Variants in RYR3 observed in about 807,000 individuals in gnomAD.
The protein encoded by RYR3 is ryanodine receptor 3.
A neutral mutation model predicts 584.3 loss-of-function variants in RYR3; 207 were observed. The ratio of observed to expected loss-of-function variants is 0.35; its 90% CI spans 0.32 to 0.40. The LOEUF (loss-of-function observed/expected upper bound fraction) is 0.40, where lower values mean the gene tolerates loss of function less well. Ranked by LOEUF, RYR3 falls within the 10% of genes least tolerant of loss-of-function variation. The probability of loss-of-function intolerance (pLI) is 1.00; values close to 1 mark genes in which losing one functional copy is unlikely to be tolerated. For missense variants in RYR3, 5,616 were observed against 6,089.2 expected, an observed-to-expected ratio of 0.92 and a Z score of 2.59; for synonymous variants, 2,416 against 2,248.5, an observed-to-expected ratio of 1.07 and a Z score of -2.11.
intron 1 of RYR3, among the ~76,000 whole-genome samples, chr15:33,471,279 C>T (rs1596285452): frequency 6.6e-6 from 1 of 152,144 alleles, no homozygotes; most frequent in African/African-American, 2.4e-5. Context: ...CAATTTGGCC[C>T]AGAGTCCCAT....
At chr15:33,758,305 C>T (rs2072060602) in intron 60 of RYR3, among the ~76,000 whole-genome samples, 1 of 152,148 alleles carries the variant, frequency 6.6e-6, no homozygotes, top group Non-Finnish European at 1.5e-5. Context: ...TGTTCACACC[C>T]CTGGAAAGGA....
chr15:33,677,735 T>A (rs1311591741), intron 38 of RYR3, among the ~76,000 whole-genome samples: 1 of 152,134 alleles, frequency 6.6e-6, no homozygotes, highest in Non-Finnish European at 1.5e-5. Context: ...GTCTCCATCC[T>A]TAGAGATGTG....
chr15:33,595,169 T>C (rs1318208006), intron 16 of RYR3, among the ~76,000 whole-genome samples: 1 of 152,180 alleles, frequency 6.6e-6, no homozygotes, highest in African/African-American at 2.4e-5. Context: ...TTACAGGTCA[T>C]TGTAAAGTCA....
chr15:33,730,743 G>A (rs958434040), intron 47 of RYR3, among the ~76,000 whole-genome samples: 2 of 152,198 alleles, frequency 1.3e-5, no homozygotes, highest in Admixed American at 1.3e-4. Context: ...GTCACTAAAT[G>A]GGTTTTCCTT....
intron 66 of RYR3, among the ~76,000 whole-genome samples, chr15:33,786,290 C>G (rs1242201938): frequency 6.6e-6 from 1 of 152,144 alleles, no homozygotes; most frequent in Admixed American, 6.5e-5. Context: ...ACTCAAGAAT[C>G]CCATTAGCTC....
chr15:33,822,745 A>C (rs2077176099), intron 80 of RYR3, among the ~76,000 whole-genome samples: 1 of 152,246 alleles, frequency 6.6e-6, no homozygotes, highest in Admixed American at 6.5e-5. Flanking sequence ...ATACATTACT[A>C]TATCACGGCC....
At chr15:33,864,070 C>T in intron 102 of RYR3, 68 bp from the exon 103 acceptor site, 1 of 1,181,890 alleles carries the variant, frequency 8.5e-7, no homozygotes, top group Non-Finnish European at 1.2e-6. Flanking sequence ...GCCCTGATCA[C>T]AGTTAATCCA....
chr15:33,810,453 C>G, intron 70 of RYR3, 26 bp from the exon 71 acceptor site: 1 of 1,612,660 alleles, frequency 6.2e-7, no homozygotes, highest in Non-Finnish European at 8.5e-7. Flanking sequence ...GAACCCCTCT[C>G]TGTTTATTTC....
At chr15:33,516,341 CT>C (rs200998411) in intron 3 of RYR3, among the ~76,000 whole-genome samples, 221 of 144,086 alleles carry the variant, frequency 1.5e-3, no homozygotes, top group South Asian at 4.3e-3. Context: ...GTAAGATCTA[CT>C]TTTTTTTTTT....
Position 33,730,384 on chromosome 15 carries a change from CTT to C in RYR3, c.7204-1087_7204-1086del, listed in dbSNP as rs572010967. Among the ~76,000 whole-genome samples the C allele has an allele frequency of 4.0e-3, 615 of 152,302 alleles. 1 individual carries two copies. The highest frequency in any genetic ancestry group is 0.014 in the African/African-American group (595 of 41,568). On this transcript the variant is annotated intron_variant, in intron 47 of 103. Coordinates refer to ENST00000634891, the MANE Select transcript of RYR3 (RefSeq NM_001036.6). ...TAACACATAGACATTCATGCATTCT[CTT>C]TTGAAAACTTATAATCTACTGAAAT...
rs777690183 is a variant in RYR3, at chr15:33,785,761, G to A, written c.9368G>A (p.Arg3123Gln). 1.7e-5 allele frequency: 28 copies of A among 1,613,788 alleles called. No individual in the cohort carries two copies. In the South Asian group the frequency reaches 2.0e-4, roughly 11 times the overall value. ...EINDLAESGA[R>Q]YTEMPHVIEV... The stretch of plus-strand genomic sequence containing the variant: ...AACGACCTGGCCGAGTCAGGGGCCC[G>A]GTACACAGAGATGCCCCATGTCATC... The change falls in exon 66 of 104, where the codon CGG (arginine) becomes CAG (glutamine). Residue 3123 changes from arginine (R) to glutamine (Q), a missense_variant. Arg to Gln is a conservative substitution (Grantham distance 43, BLOSUM62 1). Transcript: ENST00000634891.
At chr15:33,858,585 G>GAGAGCAAAGTCCCATCGTCTCTCAGAAC (rs1328602101) in intron 99 of RYR3, 2 of 153,628 alleles carry the variant, frequency 1.3e-5, no homozygotes, top group Non-Finnish European at 2.9e-5. Context: ...TCTCAGAACA[G>GAGAGCAAAGTCCCATCGTCTCTCAGAAC]AGAGCAAAGT....
intron 1 of RYR3, among the ~76,000 whole-genome samples, chr15:33,322,049 T>C (rs1355744344): frequency 6.6e-6 from 1 of 152,240 alleles, no homozygotes; most frequent in Admixed American, 6.5e-5. Flanking sequence ...CACTTGAGAC[T>C]GCCCTCAGAA....
Position 33,562,833 on chromosome 15 carries a change from T to A in RYR3, c.973-4T>A. 6.2e-7 allele frequency: 1 copy of A among 1,608,138 alleles called. No homozygotes were observed. The highest frequency in any genetic ancestry group is 8.5e-7 in the Non-Finnish European group (1 of 1,175,060). On this transcript the variant is annotated splice_polypyrimidine_tract_variant and splice_region_variant and intron_variant, in intron 10 of 103. Transcript: ENST00000634891. ...ATGTTTGTTTCTTTTTGTGTATGAA[T>A]TAGGAACTCAAGGAGAAATTAGACT...
Position 33,453,718 on chromosome 15 carries a change from T to A in RYR3, c.52-19701T>A, listed in dbSNP as rs184662347. 2.4e-3 allele frequency among the ~76,000 whole-genome samples: 364 copies of A among 152,336 alleles called. 2 individuals are homozygous for A. Among genetic ancestry groups the A allele is most frequent in the Non-Finnish European group, 4.3e-3 (291 of 68,036 alleles). ...CAGTTGCCACGCAGTTTCCTGATTT[T>A]TCTATGGAAAGAAAAATAAGGATGT... On this transcript the variant is annotated intron_variant, in intron 1 of 103. Coordinates refer to ENST00000634891, the MANE Select transcript of RYR3 (RefSeq NM_001036.6).
intron 28 of RYR3, among the ~76,000 whole-genome samples, chr15:33,645,685 A>G (rs1168133224): frequency 6.6e-6 from 1 of 152,208 alleles, no homozygotes; most frequent in Non-Finnish European, 1.5e-5. Context: ...TATTATTGTA[A>G]GCCTCAGTTC....
At chr15:33,313,649 C>T (rs977391413) in intron 1 of RYR3, among the ~76,000 whole-genome samples, 1 of 152,178 alleles carries the variant, frequency 6.6e-6, no homozygotes, top group East Asian at 1.9e-4. Context: ...CCCCAGACAA[C>T]ACCTTTAAAA....
intron 18 of RYR3, among the ~76,000 whole-genome samples, chr15:33,603,816 C>G (rs1307136677): frequency 2.0e-5 from 3 of 152,208 alleles, no homozygotes; most frequent in South Asian, 2.1e-4. Context: ...AGGAAGGATC[C>G]AGACCTGACT....
chr15:33,354,731 C>T (rs1196421917), intron 1 of RYR3, among the ~76,000 whole-genome samples: 1 of 152,134 alleles, frequency 6.6e-6, no homozygotes, highest in Non-Finnish European at 1.5e-5. Context: ...GGTGGTTTAT[C>T]AAGGTTGATC....
Sources: allele counts gnomAD v4.1 joint callset (sites outside exome capture counted in the v4.1 genomes callset), GRCh38; gene constraint gnomAD v4.1.1; transcripts MANE v1.5; gene names NCBI Gene and HGNC (gene_info 2026-07-23, HGNC 2026-07-21).